Variants in XYLB observed in about 807,000 individuals in gnomAD.
XYLB encodes the protein xylulose kinase.
Under a neutral mutation model 78.7 loss-of-function variants are expected in XYLB, and 62 were observed. The ratio of observed to expected loss-of-function variants is 0.79; its 90% confidence interval spans 0.64 to 0.97. The LOEUF is 0.97. Ranked by LOEUF, XYLB falls within the 50% of genes least tolerant of loss-of-function variation. The probability of loss-of-function intolerance (pLI) is 0.00; values close to 1 mark genes in which losing one functional copy is unlikely to be tolerated. For missense variants in XYLB, 687 were observed against 676.8 expected (o/e 1.02, Z -0.17); for synonymous variants, 245 against 247.4 (o/e 0.99, Z 0.09).
intron 18 of XYLB, among the ~76,000 whole-genome samples, chr3:38,405,713 C>T (rs1186190755): frequency 3.9e-5 from 6 of 152,274 alleles, no homozygotes; most frequent in Non-Finnish European, 7.3e-5. Context: ...GCTTAAAAAA[C>T]GGCGCACCAG....
downstream of XYLB, among the ~76,000 whole-genome samples, chr3:38,417,967 G>A (rs966394936): frequency 1.8e-4 from 27 of 151,568 alleles, no homozygotes; most frequent in African/African-American, 6.1e-4. Context: ...CGAGGTGGGT[G>A]GATCACCTGA....
At chr3:38,423,814 G>C (rs539370176), downstream of XYLB, among the ~76,000 whole-genome samples, 3 of 152,238 alleles carry the variant, frequency 2.0e-5, no homozygotes, top group African/African-American at 7.2e-5. Flanking sequence ...TGCAAAACTC[G>C]ATTTCTCATG....
At chr3:38,410,028 T>A (rs940956451) in intron 18 of XYLB, among the ~76,000 whole-genome samples, 111 of 152,072 alleles carry the variant, frequency 7.3e-4, no homozygotes, top group African/African-American at 2.4e-3. Context: ...AATTGGAAAA[T>A]ACTACTTTAA....
intron 13 of XYLB, among the ~76,000 whole-genome samples, 180 bp from the exon 14 acceptor site, chr3:38,376,738 G>A (rs573943398): frequency 6.6e-6 from 1 of 152,292 alleles, no homozygotes; most frequent in South Asian, 2.1e-4. Flanking sequence ...AGGGCTCCCT[G>A]GTTCCCTTCT....
chr3:38,425,545 C>T (rs764968706), downstream of XYLB, among the ~76,000 whole-genome samples: 1 of 152,186 alleles, frequency 6.6e-6, no homozygotes, highest in African/African-American at 2.4e-5. Context: ...CGGATGCTAC[C>T]AGCAGCTGAA....
chr3:38,368,259 T>C lies in XYLB; in HGVS notation c.646+2T>C. On this transcript the variant is annotated splice_donor_variant, in intron 8 of 18. Coordinates refer to ENST00000207870, the MANE Select transcript of XYLB (RefSeq NM_005108.4). LOFTEE classifies it high-confidence loss of function. ...ACTCCCCTATTGACTACAGTGATGG[T>C]GAGCCTCGGGGTATGGGGTGGGTGC... 6.2e-7 allele frequency: 1 copy of C among 1,614,028 alleles called. No homozygotes were observed. The highest frequency in any genetic ancestry group is 8.5e-7 in the Non-Finnish European group (1 of 1,179,920).
intron 18 of XYLB, among the ~76,000 whole-genome samples, chr3:38,409,860 A>G (rs1416621402): frequency 1.3e-5 from 2 of 152,216 alleles, no homozygotes; most frequent in Non-Finnish European, 2.9e-5. Context: ...AGAACTACAA[A>G]CCACTGCTCA....
At chr3:38,383,389 G>A (rs1042291349) in intron 15 of XYLB, among the ~76,000 whole-genome samples, 1 of 152,172 alleles carries the variant, frequency 6.6e-6, no homozygotes, top group African/African-American at 2.4e-5. Context: ...AACCAGCTGG[G>A]CAGGGCTAAT....
At chr3:38,368,141 G>T (rs748225298) in intron 7 of XYLB, 44 bp from the exon 8 acceptor site, 1 of 1,574,216 alleles carries the variant, frequency 6.4e-7, no homozygotes, top group South Asian at 1.1e-5. Flanking sequence ...GTAGCGTAGG[G>T]TATGTGGAAG....
At chr3:38,382,341 T>C (rs1203376738) in intron 15 of XYLB, among the ~76,000 whole-genome samples, 1 of 152,158 alleles carries the variant, frequency 6.6e-6, no homozygotes, top group Non-Finnish European at 1.5e-5. Flanking sequence ...TGAAACTATT[T>C]ACTATTGTTG....
intron 18 of XYLB, among the ~76,000 whole-genome samples, chr3:38,408,480 A>G (rs1311145383): frequency 6.6e-6 from 1 of 150,846 alleles, no homozygotes; most frequent in African/African-American, 2.4e-5. Flanking sequence ...AAGAACTAGA[A>G]AAGCAAGAGC....
the XYLB span, among the ~76,000 whole-genome samples, chr3:38,439,127 C>T: frequency 2.6e-5 from 4 of 152,166 alleles, no homozygotes; most frequent in African/African-American, 9.7e-5. Flanking sequence ...AAACAGGACA[C>T]CCCAGCTGCT....
At chr3:38,360,958 T>C (rs818845) in intron 3 of XYLB, among the ~76,000 whole-genome samples, 136,055 of 152,238 alleles carry the variant, frequency 0.89, 61,389 homozygotes, top group East Asian at 1. Context: ...TCACTTGAAC[T>C]TGGGAGGTGG....
At chr3:38,405,396 C>G (rs1708273436) in intron 18 of XYLB, among the ~76,000 whole-genome samples, 1 of 140,446 alleles carries the variant, frequency 7.1e-6, no homozygotes, top group African/African-American at 2.7e-5. Context: ...AAAAAAAAAG[C>G]TGGCAGCCAA....
intron 11 of XYLB, 30 bp from the exon 12 acceptor site, chr3:38,375,114 A>G: frequency 6.3e-7 from 1 of 1,585,478 alleles, no homozygotes; most frequent in Non-Finnish European, 8.6e-7. Flanking sequence ...GCAAAGCCCA[A>G]GGTGCCCACC....
downstream of XYLB, among the ~76,000 whole-genome samples, chr3:38,423,172 A>G (rs915862726): frequency 1.3e-5 from 2 of 152,120 alleles, no homozygotes; most frequent in South Asian, 2.1e-4. Context: ...TCCTGGGTTC[A>G]TGCCATTCTC....
At position 38,360,391 on chromosome 3, in the gene XYLB, GTA is replaced by G; in HGVS notation, c.194_195del (p.Val65AlafsTer104). The G allele has an allele frequency of 6.2e-7, 1 of 1,608,668 alleles. No homozygotes were observed. ...HKDGLTVTSP[V>X]LMWVQALDII... The stretch of plus-strand genomic sequence containing the variant: ...GGATGGGCTGACGGTCACTTCTCCA[GTA>G]CTAATGTGGGTCCAGGTAAGCGCAG... On this transcript the variant is annotated frameshift_variant, in exon 3 of 19. Coordinates refer to ENST00000207870, the MANE Select transcript of XYLB (RefSeq NM_005108.4). LOFTEE classifies it high-confidence loss of function.
intron 17 of XYLB, 78 bp from the exon 18 acceptor site, chr3:38,400,813 G>A (rs1708090678): frequency 8.1e-7 from 1 of 1,241,832 alleles, no homozygotes; most frequent in Admixed American, 1.8e-5. Context: ...TGCCACCCCA[G>A]TGAGATCCTT....
chr3:38,450,062 T>C, the XYLB span, among the ~76,000 whole-genome samples: 11 of 152,232 alleles, frequency 7.2e-5, no homozygotes, highest in Admixed American at 1.3e-4. Context: ...GGGGGAACTG[T>C]ATTACCAAAG....
Sources: allele counts gnomAD v4.1 joint callset (sites outside exome capture counted in the v4.1 genomes callset), GRCh38; gene constraint gnomAD v4.1.1; transcripts MANE v1.5; gene names NCBI Gene and HGNC (gene_info 2026-07-23, HGNC 2026-07-21).